LTK: variants seen among roughly 807,000 people sequenced by gnomAD.
The protein encoded by LTK is leukocyte tyrosine kinase receptor.
In LTK, 117 loss-of-function variants were observed where a neutral mutation model predicts 101.5. The ratio of observed to expected loss-of-function variants is 1.15; its 90% CI spans 0.99 to 1.34. LTK has a LOEUF of 1.34. Among genes scored for constraint, LTK ranks in the 40% most tolerant of loss-of-function variants. The probability of loss-of-function intolerance (pLI) is 0.00; values close to 1 mark genes in which losing one functional copy is unlikely to be tolerated. For missense variants in LTK, 1,252 were observed against 1,164.7 expected, an observed-to-expected ratio of 1.07 and a Z score of -1.09; for synonymous variants, 563 against 494.2, an observed-to-expected ratio of 1.14 and a Z score of -1.85.
Position 41,512,755 on chromosome 15 carries a change from T to C in LTK, c.311A>G (p.Gln104Arg). ...SVVVTVGAAG[Q>R]LRGVQLWRVP... ...GCGCCACAGCTGCACGCCTCTCAGC[T>C]GCCCGGCGGCCCCCACGGTCACCAC... Residue 104 changes from glutamine (Q) to arginine (R), a missense_variant, in exon 3 of 20, where the codon CAG becomes CGG. Physicochemically the swap from Gln to Arg is conservative, Grantham distance 43. Transcript: ENST00000263800. 6.2e-7 allele frequency: 1 copy of C among 1,609,476 alleles called. No homozygotes were observed. Among genetic ancestry groups the C allele is most frequent in the East Asian group, 2.2e-5 (1 of 44,820 alleles).
In LTK at chr15:41,512,097, C is replaced by G; in HGVS notation, c.510+18G>C. 1 of 1,580,074 alleles carries G rather than the reference C, an allele frequency of 6.3e-7. No homozygotes were observed. The highest frequency in any genetic ancestry group is 8.6e-7 in the Non-Finnish European group (1 of 1,162,688). On this transcript the variant is annotated intron_variant, in intron 4 of 19. Coordinates refer to ENST00000263800, the MANE Select transcript of LTK (RefSeq NM_002344.6). ...CCCCCGGCGCCGGCGCCGCCCCATC[C>G]CCACTGGCTGCGCTCACTCCGGGAC...
Position 41,504,887 on chromosome 15 carries a change from G to C in LTK, c.2019-13C>G, listed in dbSNP as rs1309151169. ...GTAATAACTGGCCCTACAGGAGGGA[G>C]GAGGTGAATGATGAGTTGTTCACCA... On this transcript the variant is annotated splice_polypyrimidine_tract_variant and intron_variant, in intron 16 of 19. Transcript: ENST00000263800. 1 of 1,608,662 alleles carries C rather than the reference G, an allele frequency of 6.2e-7. No homozygotes were observed. Among genetic ancestry groups the C allele is most frequent in the Admixed American group, 1.7e-5 (1 of 59,592 alleles).
At position 41,506,363 on chromosome 15, in the gene LTK, A is replaced by G. The variant is rs551358462; in HGVS notation, c.1542-358T>C. ...TCTGTCATGCAGGCTGGAGTGCAAT[A>G]GCGCGATCTCGGCTCACTGCAACCT... On this transcript the variant is annotated intron_variant, in intron 11 of 19. Coordinates refer to ENST00000263800, the MANE Select transcript of LTK (RefSeq NM_002344.6). Among the ~76,000 whole-genome samples, 17 of 151,962 alleles carry G rather than the reference A, an allele frequency of 1.1e-4. No individual in the cohort carries two copies. The South Asian group carries it at 1.5e-3, about 13-fold the overall frequency.
rs1231142429 is a variant in LTK at position 41,507,467 on chromosome 15, G to T, written c.1345+95C>A. The T allele has an allele frequency of 3.2e-6, 5 of 1,558,564 alleles. No individual in the cohort carries two copies. The South Asian group carries it at 5.9e-5, about 18-fold the overall frequency. On this transcript the variant is annotated intron_variant, in intron 10 of 19. Transcript: ENST00000263800. ...TACCACGGCTCTGCTGCGGTGAGTG[G>T]TCTTGAAGTCAGCCCCGGGACCCCG...
intron 11 of LTK, 45 bp downstream of exon 11, chr15:41,507,050 G>C: frequency 6.5e-7 from 1 of 1,537,870 alleles, no homozygotes; most frequent in Non-Finnish European, 8.9e-7. Flanking sequence ...ATCAGAGGTG[G>C]GGATTCAGAG....
In LTK at chr15:41,505,963, C is replaced by T; in HGVS notation, c.1584G>A (p.Leu528=). 1 of 1,614,074 alleles carries T rather than the reference C, an allele frequency of 6.2e-7. No individual in the cohort carries two copies. ...HGAFGEVYEG[L]VIGLPGDSSP... is the part of the protein sequence containing the mutation. ...TGGAGTCCCCAGGAAGGCCAATTAC[C>T]AGTCCCTCATACACCTCCCCAAAGG... The change falls in exon 12 of 20, where the codon CTG becomes CTA. Residue 528 remains leucine (L), a synonymous_variant. Transcript: ENST00000263800.
rs779408450 is a variant in LTK, at chr15:41,505,249, G to A, written c.1884C>T (p.Ala628=). ...RDLLQLAQDI[A]QGCHYLEENH... is the part of the protein sequence containing the mutation. ...TTTCCTCCAGGTAGTGGCAGCCCTGGGCTATGTCCTGGGCCAGTTGCAGCA... is the reference window on the plus strand; with the variant it reads ...TTTCCTCCAGGTAGTGGCAGCCCTGAGCTATGTCCTGGGCCAGTTGCAGCA... The change falls in exon 15 of 20, where the codon GCC becomes GCT. Residue 628 remains alanine, a synonymous_variant. Transcript: ENST00000263800. 14 of 1,613,944 alleles carry A rather than the reference G, an allele frequency of 8.7e-6. 2 individuals are homozygous for A. In the South Asian group the frequency reaches 1.4e-4, roughly 16 times the overall value.
chr15:41,512,825 G>T lies in LTK; in HGVS notation c.241C>A (p.Pro81Thr). Residue 81 changes from proline to threonine, a missense_variant, in exon 3 of 20, where the codon CCC becomes ACC. Transcript: ENST00000263800. ...GCCCCGTCACATTGTGTCTGTGTGGGCCCATGCCGGCCGCTGGCCCCGCAG... is the reference window on the plus strand; with the variant it reads ...GCCCCGTCACATTGTGTCTGTGTGGTCCCATGCCGGCCGCTGGCCCCGCAG... ...STCGASGRHG[P>T]TQTQCDGAYA... 3 of 1,612,468 alleles carry T rather than the reference G, an allele frequency of 1.9e-6. 1 individual carries two copies. The South Asian group carries it at 3.3e-5, about 18-fold the overall frequency.
Position 41,507,656 on chromosome 15 carries a change from G to T in LTK, c.1251C>A (p.Asp417Glu), listed in dbSNP as rs748944262. ...CCAGAGGGCCTGGGGGCTTGTGCAG[G>T]TCTAGGGAGAAAGAGAGACACCTCC... ...ELAVDNVTCM[D>E]LHKPPGPLVL... Residue 417 changes from aspartate to glutamate, a missense_variant and splice_region_variant, in exon 10 of 20, where the codon GAC becomes GAA. Transcript: ENST00000263800. 6.2e-7 allele frequency: 1 copy of T among 1,612,624 alleles called. No individual in the cohort carries two copies. The highest frequency in any genetic ancestry group is 8.5e-7 in the Non-Finnish European group (1 of 1,179,512).
At position 41,507,684 on chromosome 15, in the gene LTK, T is replaced by G. The variant is rs764551466; in HGVS notation, c.1250-27A>C. On this transcript the variant is annotated intron_variant, in intron 9 of 19. Transcript: ENST00000263800. The stretch of plus-strand genomic sequence containing the variant: ...TAGGGAGAAAGAGAGACACCTCCAG[T>G]GGGAAGGTCTTCTCTGTTCCTTTAC... The G allele has an allele frequency of 1.9e-6, 3 of 1,601,714 alleles. No individual in the cohort carries two copies. The East Asian group carries it at 6.8e-5, about 36-fold the overall frequency.
At position 41,511,331 on chromosome 15, in the gene LTK, C is replaced by T. The variant is rs1595468648; in HGVS notation, c.830G>A (p.Trp277Ter). ...RGGAAGGGGG[W>*]TSRAPSPQAG... Reference sequence around the variant, plus strand: ...CTGCGGAGAGGGAGCCCGCGACGTCCAGCCGCCCCCACCACCTGCAGAGCG... The same window carrying T: ...CTGCGGAGAGGGAGCCCGCGACGTCTAGCCGCCCCCACCACCTGCAGAGCG... Residue 277 changes from tryptophan (W) to a stop codon, truncating the protein, a stop_gained, in exon 7 of 20, where the codon TGG (tryptophan) becomes TAG (stop). Coordinates refer to ENST00000263800, the MANE Select transcript of LTK (RefSeq NM_002344.6). LOFTEE classifies it high-confidence loss of function. The surrounding 1 kb of genome is among the most constrained non-coding windows in gnomAD (Gnocchi z 5.9). 3.7e-6 allele frequency: 5 copies of T among 1,360,254 alleles called. No homozygotes were observed. Among genetic ancestry groups the T allele is most frequent in the Non-Finnish European group, 4.7e-6 (5 of 1,064,332 alleles). 84.3% of individuals were successfully genotyped at this position (1,360,254 alleles called of 1,614,324 possible). A position where few individuals can be genotyped will look rare whatever the true frequency, so the allele number is the denominator to read the frequency against.
intron 11 of LTK, 86 bp downstream of exon 11, chr15:41,507,009 G>T: frequency 1.5e-6 from 2 of 1,361,978 alleles, no homozygotes; most frequent in South Asian, 1.3e-5. Flanking sequence ...GATTTTTTCT[G>T]GGACTTATAA....
chr15:41,509,018 T>A lies in LTK; in HGVS notation c.1096+13A>T, dbSNP rs771133749. 1 of 1,585,406 alleles carries A rather than the reference T, an allele frequency of 6.3e-7. No homozygotes were observed. Among genetic ancestry groups the A allele is most frequent in the East Asian group, 2.2e-5 (1 of 44,718 alleles). On this transcript the variant is annotated intron_variant, in intron 8 of 19. Coordinates refer to ENST00000263800, the MANE Select transcript of LTK (RefSeq NM_002344.6). ...GTCCAGGCCAGGCTCAGAGGTGGGG[T>A]TGGGGCCAATACCTGCCAGAGGCTG... is the stretch of plus-strand genomic sequence containing the variant.
chr15:41,509,562 T>TA (rs1485579409), intron 7 of LTK, among the ~76,000 whole-genome samples: 1 of 152,164 alleles, frequency 6.6e-6, no homozygotes, highest in Non-Finnish European at 1.5e-5. Flanking sequence ...AATTTTTAAT[T>TA]AAAAATAAAA....
chr15:41,508,482 G>A (rs964833570), intron 8 of LTK, among the ~76,000 whole-genome samples: 21 of 151,910 alleles, frequency 1.4e-4, no homozygotes, highest in African/African-American at 4.6e-4. Context: ...ACTTGAACCC[G>A]GGAGGCGGAG....
intron 3 of LTK, among the ~76,000 whole-genome samples, 196 bp from the exon 4 acceptor site, chr15:41,512,461 T>C (rs1470192616): frequency 6.6e-6 from 1 of 152,074 alleles, no homozygotes; most frequent in African/African-American, 2.4e-5. Context: ...GGAGGGTTCG[T>C]GGAAATGTGG....
rs1334709139 is a variant in LTK at position 41,513,605 on chromosome 15, A to AC, written c.43+61dup. The AC allele has an allele frequency of 3.3e-6, 5 of 1,516,936 alleles. No homozygotes were observed. The African/African-American group carries it at 6.9e-5, about 21-fold the overall frequency. The allele number at this position is 1,516,936 out of a possible 1,614,324, so 94.0% of individuals were successfully genotyped here. A position where few individuals can be genotyped will look rare whatever the true frequency, so the allele number is the denominator to read the frequency against. On this transcript the variant is annotated intron_variant, in intron 1 of 19. Coordinates refer to ENST00000263800, the MANE Select transcript of LTK (RefSeq NM_002344.6). ...CTGACACCTGGCCTGTTGACCGGCC[A>AC]CCCCCAAGCCTAGGAAAGTGCCTCA...
At position 41,512,877 on chromosome 15, in the gene LTK, G is replaced by A; in HGVS notation, c.189C>T (p.Gly63=). 5 of 1,610,168 alleles carry A rather than the reference G, an allele frequency of 3.1e-6. No individual in the cohort carries two copies. The South Asian group carries it at 3.3e-5, about 11-fold the overall frequency. Residue 63 remains glycine, a splice_region_variant and synonymous_variant, in exon 3 of 20, where the codon GGC becomes GGT. Coordinates refer to ENST00000263800, the MANE Select transcript of LTK (RefSeq NM_002344.6). ...LEPASPLNSP[G]TEGSWLFSTC... ...TAGAAAACAGCCAAGACCCCTCGGT[G>A]CCTGAGAGCAAGGAGCGAGGCAAGG... is the stretch of plus-strand genomic sequence containing the variant.
chr15:41,504,231 A>C lies in LTK; in HGVS notation c.2360T>G (p.Leu787Arg), dbSNP rs762109337. ...LQYCTQDPDV[L>R]NSLLPMELGP... ...CAGCTCCATTGGCAGGAGTGAATTC[A>C]GCACATCCGGGTCCTGTAATGGAAG... is the stretch of plus-strand genomic sequence containing the variant. Residue 787 changes from leucine (L) to arginine (R), a missense_variant, in exon 20 of 20, where the codon CTG becomes CGG. By Grantham distance (102) the Leu-to-Arg change is moderately radical. Transcript: ENST00000263800. The C allele has an allele frequency of 3.7e-6, 6 of 1,609,562 alleles. No homozygotes were observed. Among genetic ancestry groups the C allele is most frequent in the Admixed American group, 3.3e-5 (2 of 59,810 alleles).
Sources: allele counts gnomAD v4.1 joint callset (sites outside exome capture counted in the v4.1 genomes callset), GRCh38; gene constraint gnomAD v4.1.1; non-coding constraint Gnocchi (gnomAD v3.1); transcripts MANE v1.5; gene names NCBI Gene and HGNC (gene_info 2026-07-23, HGNC 2026-07-21).